Variants in MACROD2 observed in about 807,000 individuals in gnomAD.
The protein encoded by MACROD2 is ADP-ribose glycohydrolase MACROD2.
MACROD2 carries 36 observed loss-of-function variants against 70.4 expected under a neutral mutation model. That is an observed-to-expected ratio of 0.51 (90% CI 0.39 to 0.68). MACROD2 has a LOEUF of 0.68. Ranked by LOEUF, MACROD2 falls within the 30% of genes least tolerant of loss-of-function variation. The pLI is 0.00. For missense variants in MACROD2, 496 were observed against 538.4 expected, an observed-to-expected ratio of 0.92 and a Z score of 0.78; for synonymous variants, 172 against 178.8, an observed-to-expected ratio of 0.96 and a Z score of 0.30.
chr20:14,285,680 T>A (rs1601436000), intron 3 of MACROD2, among the ~76,000 whole-genome samples: 1 of 152,118 alleles, frequency 6.6e-6, no homozygotes, highest in East Asian at 1.9e-4. Context: ...TCCCTCACTT[T>A]ATGGGAAGGT....
At chr20:15,468,930 C>T (rs1011170161) in intron 7 of MACROD2, among the ~76,000 whole-genome samples, 1 of 152,180 alleles carries the variant, frequency 6.6e-6, no homozygotes, top group Middle Eastern at 3.2e-3. Flanking sequence ...AATGGAATTT[C>T]TGTTCACTTT....
chr20:14,796,032 A>G (rs1181649809), intron 5 of MACROD2, among the ~76,000 whole-genome samples: 1 of 152,090 alleles, frequency 6.6e-6, no homozygotes, highest in Admixed American at 6.6e-5. Context: ...TCCACATTAT[A>G]TGAAGTTTTA....
chr20:14,293,504 G>A (rs1194632894), intron 3 of MACROD2, among the ~76,000 whole-genome samples: 1 of 151,630 alleles, frequency 6.6e-6, no homozygotes. Context: ...GAAGATCTGG[G>A]GGAAAAAGAT....
At chr20:15,829,386 C>T (rs868867388) in intron 8 of MACROD2, among the ~76,000 whole-genome samples, 14 of 152,264 alleles carry the variant, frequency 9.2e-5, no homozygotes, top group South Asian at 4.2e-4. Context: ...TAATTAGCAC[C>T]TAGTTACAAA....
Position 15,909,276 on chromosome 20 carries a change from A to G in MACROD2, c.775+23465A>G, listed in dbSNP as rs187916302. ...TTACACATTGACCCAGAGCTCCCAT[A>G]GTGATTATGTCAAGAGAAAGAGCTT... On this transcript the variant is annotated intron_variant, in intron 10 of 17. Coordinates refer to ENST00000684519, the MANE Select transcript of MACROD2 (RefSeq NM_001351661.2). 7.2e-5 allele frequency among the ~76,000 whole-genome samples: 11 copies of G among 152,304 alleles called. No homozygotes were observed. The East Asian group carries it at 1.5e-3, about 21-fold the overall frequency.
At chr20:15,234,012 CTTTTTTTTTTTTTTTTTTTTTTT>C (rs1177498607) in intron 6 of MACROD2, among the ~76,000 whole-genome samples, 1 of 29,192 alleles carries the variant, frequency 3.4e-5, no homozygotes, top group Non-Finnish European at 5.8e-5. Flanking sequence ...TATATATATT[CTTTTTTTTTTTTTTTTTTTTTTT>C]TTTTTTTTTT....
intron 3 of MACROD2, among the ~76,000 whole-genome samples, chr20:14,199,004 T>G (rs2081456976): frequency 6.6e-6 from 1 of 152,120 alleles, no homozygotes; most frequent in Admixed American, 6.6e-5. Flanking sequence ...CTTTTTCCCT[T>G]TCTTGTCCTC....
intron 6 of MACROD2, among the ~76,000 whole-genome samples, chr20:15,424,221 G>T (rs2046268052): frequency 6.6e-6 from 1 of 152,106 alleles, no homozygotes; most frequent in Non-Finnish European, 1.5e-5. Context: ...TATGGTAAAG[G>T]GTATGTGTAG....
intron 4 of MACROD2, among the ~76,000 whole-genome samples, chr20:14,505,835 C>T (rs2084963343): frequency 6.6e-6 from 1 of 152,080 alleles, no homozygotes. Context: ...TAAATCCTCT[C>T]TCCAAAAAAA....
At chr20:16,049,756 A>G in intron 17 of MACROD2, 74 bp from the exon 18 acceptor site, 1 of 1,494,610 alleles carries the variant, frequency 6.7e-7, no homozygotes, top group South Asian at 1.2e-5. Flanking sequence ...TGGCTGTATT[A>G]AAAATGTATT....
intron 10 of MACROD2, among the ~76,000 whole-genome samples, chr20:15,907,277 G>A (rs1297007385): frequency 6.6e-6 from 1 of 152,164 alleles, no homozygotes; most frequent in Non-Finnish European, 1.5e-5. Flanking sequence ...TCAATGTGGG[G>A]AACCAGCTCA....
chr20:14,803,707 C>T (rs2072605199), intron 5 of MACROD2, among the ~76,000 whole-genome samples: 1 of 152,032 alleles, frequency 6.6e-6, no homozygotes, highest in Non-Finnish European at 1.5e-5. Context: ...TCTGGAACCC[C>T]TGACCTCAGG....
At chr20:15,911,273 A>G (rs989792345) in intron 10 of MACROD2, among the ~76,000 whole-genome samples, 1 of 152,212 alleles carries the variant, frequency 6.6e-6, no homozygotes, top group Non-Finnish European at 1.5e-5. Context: ...CCAGAGGAAA[A>G]CAGGGGAAGT....
At chr20:15,678,410 A>G (rs961443052) in intron 8 of MACROD2, among the ~76,000 whole-genome samples, 3 of 150,648 alleles carry the variant, frequency 2.0e-5, no homozygotes, top group Admixed American at 1.3e-4. Context: ...CCCAGGCTGG[A>G]GTGCAGTGGC....
At chr20:14,565,401 C>T (rs6135183) in intron 4 of MACROD2, among the ~76,000 whole-genome samples, 4,153 of 151,698 alleles carry the variant, frequency 0.027, 99 homozygotes, top group East Asian at 0.11. Flanking sequence ...ACAAGGATTC[C>T]TCTTGTTTTC....
chr20:15,717,686 A>T (rs924473167), intron 8 of MACROD2, among the ~76,000 whole-genome samples: 2 of 152,138 alleles, frequency 1.3e-5, no homozygotes, highest in Non-Finnish European at 2.9e-5. Flanking sequence ...AGAAAGGGTG[A>T]CGTGGATTGT....
chr20:15,420,201 C>A (rs1403697114), intron 6 of MACROD2, among the ~76,000 whole-genome samples: 1 of 152,148 alleles, frequency 6.6e-6, no homozygotes, highest in East Asian at 1.9e-4. Context: ...GAAACTAATC[C>A]AGCTGTCTTC....
At chr20:15,989,315 G>A (rs552962812) in intron 15 of MACROD2, among the ~76,000 whole-genome samples, 30 of 152,154 alleles carry the variant, frequency 2.0e-4, no homozygotes, top group African/African-American at 7.2e-4. Flanking sequence ...CATTTGGTTG[G>A]CAGCACCATC....
chr20:15,289,122 A>C (rs1035536334), intron 6 of MACROD2, among the ~76,000 whole-genome samples: 22 of 152,200 alleles, frequency 1.4e-4, no homozygotes, highest in African/African-American at 4.8e-4. Context: ...GATGCTAATC[A>C]CATGGTCTTA....
Sources: gnomAD v4.1 joint callset for allele counts (sites outside exome capture counted in the v4.1 genomes callset) on GRCh38, gnomAD v4.1.1 for gene constraint, MANE v1.5 for transcripts, NCBI Gene and HGNC (gene_info 2026-07-23, HGNC 2026-07-21) for gene names.